The following DNAH6 variants were observed in gnomAD, a reference collection of about 807,000 sequenced individuals.
The protein encoded by DNAH6 is axonemal beta dynein heavy chain 6.
In DNAH6, 340 loss-of-function variants were observed where a neutral mutation model predicts 491.4. The ratio of observed to expected loss-of-function variants is 0.69; its 90% CI spans 0.63 to 0.76. The LOEUF (loss-of-function observed/expected upper bound fraction) is 0.76. Ranked by LOEUF, DNAH6 falls within the 30% of genes least tolerant of loss-of-function variation. The probability of loss-of-function intolerance (pLI) is 0.00; values close to 1 mark genes in which losing one functional copy is unlikely to be tolerated. For missense variants in DNAH6, 4,443 were observed against 4,972.2 expected (o/e 0.89, Z 3.20); for synonymous variants, 1,603 against 1,686.1 (o/e 0.95, Z 1.21).
At position 84,703,691 on chromosome 2, in the gene DNAH6, GTT is replaced by G. The variant is rs11424668; in HGVS notation, c.8229+141_8229+142del. The G allele has an allele frequency of 2.0e-3, 1,338 of 683,118 alleles. 11 individuals are homozygous for G. The African/African-American group carries it at 0.021, about 11-fold the overall frequency. The allele number at this position is 683,118 out of a possible 1,614,324, so 42.3% of individuals were successfully genotyped here. A position where few individuals can be genotyped will look rare whatever the true frequency, so the allele number is the denominator to read the frequency against. ...ATAATTAAGTGATAGATTTAGCAAA[GTT>G]TTTTTTTTTTTAGCAATTTAGCAAT... On this transcript the variant is annotated intron_variant, in intron 50 of 76. Transcript: ENST00000389394.
the DNAH6 span, among the ~76,000 whole-genome samples, chr2:84,507,577 G>A: frequency 6.6e-6 from 1 of 151,934 alleles, no homozygotes; most frequent in Non-Finnish European, 1.5e-5. Flanking sequence ...CTGCCTGATT[G>A]CCCTGGCCAG....
chr2:84,462,119 G>T, the DNAH6 span, among the ~76,000 whole-genome samples: 2 of 152,174 alleles, frequency 1.3e-5, no homozygotes, highest in Non-Finnish European at 2.9e-5. Context: ...CTCACAATTT[G>T]CCCACAGGAA....
At chr2:84,542,969 G>A (rs1678408022) in intron 4 of DNAH6, among the ~76,000 whole-genome samples, 3 of 152,118 alleles carry the variant, frequency 2.0e-5, no homozygotes, top group Admixed American at 6.5e-5. Flanking sequence ...GACCAGCCTG[G>A]TCAACATGGT....
At chr2:84,578,948 G>C (rs1005115630) in intron 13 of DNAH6, among the ~76,000 whole-genome samples, 2 of 152,134 alleles carry the variant, frequency 1.3e-5, no homozygotes, top group Non-Finnish European at 2.9e-5. Context: ...TTGTGAAGAA[G>C]GTGCCTTGCT....
In DNAH6 at chr2:84,777,874, TACA is replaced by T; in HGVS notation, c.10704-3615_10704-3613del. The T allele has an allele frequency of 4.0e-6, 5 of 1,239,374 alleles. No individual in the cohort carries two copies. The East Asian group carries it at 7.0e-5, about 17-fold the overall frequency. The allele number at this position is 1,239,374 out of a possible 1,614,324, so 76.8% of individuals were successfully genotyped here. ...GCAAATTGCAGTTCGTGCTGTATTT[TACA>T]ACATTAGGAATGATGAATTTAAAGA... On this transcript the variant is annotated intron_variant, in intron 64 of 76. Transcript: ENST00000389394.
intron 70 of DNAH6, among the ~76,000 whole-genome samples, chr2:84,798,481 G>A (rs1033877713): frequency 6.6e-6 from 1 of 152,194 alleles, no homozygotes; most frequent in Non-Finnish European, 1.5e-5. Context: ...AGGCTTTGCT[G>A]TGCTGTGCAG....
chr2:84,769,128 A>G (rs1319728536), intron 64 of DNAH6, among the ~76,000 whole-genome samples: 2 of 152,250 alleles, frequency 1.3e-5, no homozygotes, highest in African/African-American at 4.8e-5. Flanking sequence ...ACACCCAGAA[A>G]GAGAGAGTGG....
At chr2:84,614,495 C>T (rs909277207) in intron 22 of DNAH6, among the ~76,000 whole-genome samples, 7 of 152,088 alleles carry the variant, frequency 4.6e-5, no homozygotes, top group Non-Finnish European at 7.4e-5. Flanking sequence ...TTATAAACTA[C>T]GTGTGCAAGA....
At chr2:84,546,067 A>G (rs1464391904) in intron 5 of DNAH6, among the ~76,000 whole-genome samples, 2 of 152,098 alleles carry the variant, frequency 1.3e-5, no homozygotes, top group African/African-American at 4.8e-5. Flanking sequence ...GTCACTCTCT[A>G]TTTCTTTCTG....
At chr2:84,559,055 A>T (rs1319970771) in intron 11 of DNAH6, among the ~76,000 whole-genome samples, 3 of 152,224 alleles carry the variant, frequency 2.0e-5, no homozygotes, top group African/African-American at 4.8e-5. Context: ...ATATGATTGT[A>T]ACTGTCATGG....
At position 84,797,521 on chromosome 2, in the gene DNAH6, G is replaced by T; in HGVS notation, c.11360-16G>T. On this transcript the variant is annotated splice_polypyrimidine_tract_variant and intron_variant, in intron 69 of 76. Coordinates refer to ENST00000389394, the MANE Select transcript of DNAH6 (RefSeq NM_001370.2). ...TCTATTTGAGACATATTTGTCTTCTGTGTTTTTAATAACAGGCATCTATTT... is the reference window on the plus strand; with the variant it reads ...TCTATTTGAGACATATTTGTCTTCTTTGTTTTTAATAACAGGCATCTATTT... The T allele has an allele frequency of 1.3e-6, 2 of 1,548,248 alleles. No individual in the cohort carries two copies. The highest frequency in any genetic ancestry group is 2.4e-5 in the East Asian group (1 of 40,872).
At chr2:84,658,512 A>C in intron 36 of DNAH6, 38 bp downstream of exon 36, 1 of 1,329,750 alleles carries the variant, frequency 7.5e-7, no homozygotes. Flanking sequence ...AGCTAGAAAA[A>C]TTAGATTATT....
chr2:84,672,268 T>A, intron 39 of DNAH6, 59 bp from the exon 40 acceptor site: 1 of 1,500,690 alleles, frequency 6.7e-7, no homozygotes, highest in Non-Finnish European at 9.0e-7. Flanking sequence ...CCTAGCTTTG[T>A]CTTACATTTT....
the DNAH6 span, among the ~76,000 whole-genome samples, chr2:84,485,214 G>T: frequency 6.6e-6 from 1 of 152,112 alleles, no homozygotes; most frequent in Non-Finnish European, 1.5e-5. Flanking sequence ...CCGATGGGGG[G>T]TTTGTATGTA....
chr2:84,497,185 G>A, the DNAH6 span, among the ~76,000 whole-genome samples: 4 of 151,988 alleles, frequency 2.6e-5, no homozygotes, highest in South Asian at 2.1e-4. Context: ...TGGCCAGACT[G>A]GTCTCAAACT....
At chr2:84,806,744 T>A (rs1269997003) in intron 71 of DNAH6, among the ~76,000 whole-genome samples, 6 of 151,568 alleles carry the variant, frequency 4.0e-5, no homozygotes, top group Admixed American at 2.0e-4. Context: ...GATGTCATTA[T>A]AGGAAAAAGA....
Position 84,703,543 on chromosome 2 carries a change from A to C in DNAH6, c.8210A>C (p.Asp2737Ala). 1 of 1,551,200 alleles carries C rather than the reference A, an allele frequency of 6.4e-7. No homozygotes were observed. The highest frequency in any genetic ancestry group is 1.2e-5 in the South Asian group (1 of 83,932). The change falls in exon 50 of 77, where the codon GAT becomes GCT. Residue 2737 changes from aspartate (D) to alanine (A), a missense_variant. By Grantham distance (126) the Asp-to-Ala change is moderately radical. Transcript: ENST00000389394. The stretch of plus-strand genomic sequence containing the variant: ...GCCCTGATGGAAAAATTGGCAGTGG[A>C]TCAAGAAAGTGCCGATCAGGTATGC... ...VEALMEKLAV[D>A]QESADQVRNT...
rs4365474 is a variant in DNAH6 at position 84,584,036 on chromosome 2, A to G, written c.2267A>G (p.Gln756Arg). 2 of 1,614,200 alleles carry G rather than the reference A, an allele frequency of 1.2e-6. No individual in the cohort carries two copies. The highest frequency in any genetic ancestry group is 2.2e-5 in the South Asian group (2 of 91,078). ...SLEDEGNIVT[Q>R]MYKLMEQYQV... ...GAAGATGAGGGGAATATAGTGACTC[A>G]AATGTACAAGCTTATGGAACAATAT... is the stretch of plus-strand genomic sequence containing the variant. Residue 756 changes from glutamine (Q) to arginine (R), a missense_variant, in exon 15 of 77, where the codon CAA becomes CGA. Physicochemically the swap from Gln to Arg is conservative, Grantham distance 43. Coordinates refer to ENST00000389394, the MANE Select transcript of DNAH6 (RefSeq NM_001370.2).
chr2:84,615,790 G>T (rs1433690888), intron 22 of DNAH6, among the ~76,000 whole-genome samples: 1 of 150,916 alleles, frequency 6.6e-6, no homozygotes, highest in Non-Finnish European at 1.5e-5. Flanking sequence ...TTTTTTTGCA[G>T]CTATTGTATT....
Sources: gnomAD v4.1 joint callset for allele counts (sites outside exome capture counted in the v4.1 genomes callset) on GRCh38, gnomAD v4.1.1 for gene constraint, MANE v1.5 for transcripts, NCBI Gene and HGNC (gene_info 2026-07-23, HGNC 2026-07-21) for gene names.